Variants in CNTNAP5 observed in about 807,000 individuals in gnomAD.
The protein encoded by CNTNAP5 is contactin-associated protein-like 5.
A neutral mutation model predicts 150.2 loss-of-function variants in CNTNAP5; 72 were observed. That is an observed-to-expected ratio of 0.48 (90% CI 0.40 to 0.58). CNTNAP5 has a LOEUF of 0.58. Among genes scored for constraint, CNTNAP5 ranks in the 20% least tolerant of loss-of-function variants. The pLI is 0.00. For synonymous variants in CNTNAP5, 672 were observed against 619.8 expected (o/e 1.08, Z -1.25); for missense variants, 1,636 against 1,626.2 (o/e 1.01, Z -0.10).
chr2:124,802,778 G>A lies in CNTNAP5; in HGVS notation c.3217+4458G>A, dbSNP rs72980467. ...GGCACTTACCATGTGGCAGATACTA[G>A]CTCATGTACTGAAGAGACAAAGACA... On this transcript the variant is annotated intron_variant, in intron 19 of 23. Transcript: ENST00000682447. Among the ~76,000 whole-genome samples the A allele has an allele frequency of 5.0e-3, 761 of 152,246 alleles. 12 individuals are homozygous for A. Among genetic ancestry groups the A allele is most frequent in the African/African-American group, 0.017 (721 of 41,542 alleles).
chr2:124,464,938 A>C (rs1693342004), intron 6 of CNTNAP5, among the ~76,000 whole-genome samples: 1 of 152,162 alleles, frequency 6.6e-6, no homozygotes, highest in Non-Finnish European at 1.5e-5. Flanking sequence ...TAAGAAGTGG[A>C]CTGTCAGAAC....
chr2:124,681,754 G>A (rs1482529077), intron 13 of CNTNAP5, among the ~76,000 whole-genome samples: 8 of 151,876 alleles, frequency 5.3e-5, no homozygotes, highest in East Asian at 1.9e-4. Flanking sequence ...TATTAGAGAC[G>A]GGTTTCACCA....
At chr2:124,376,106 A>G (rs1406771719) in intron 3 of CNTNAP5, among the ~76,000 whole-genome samples, 5 of 152,122 alleles carry the variant, frequency 3.3e-5, no homozygotes, top group Non-Finnish European at 5.9e-5. Flanking sequence ...GTTAACTGGA[A>G]GAAAAACATA....
At chr2:124,030,914 A>G (rs183512193) in intron 1 of CNTNAP5, among the ~76,000 whole-genome samples, 58 of 152,248 alleles carry the variant, frequency 3.8e-4, no homozygotes, top group Admixed American at 6.5e-4. Flanking sequence ...ACAAGTATTA[A>G]TTAACTAGTA....
At chr2:124,185,617 A>G (rs1044121514) in intron 1 of CNTNAP5, among the ~76,000 whole-genome samples, 2 of 152,202 alleles carry the variant, frequency 1.3e-5, no homozygotes, top group Admixed American at 6.5e-5. Flanking sequence ...TGCTTTATTC[A>G]TCTCCCAAAC....
intron 9 of CNTNAP5, among the ~76,000 whole-genome samples, chr2:124,525,429 A>G (rs1694941587): frequency 6.6e-6 from 1 of 152,226 alleles, no homozygotes; most frequent in Non-Finnish European, 1.5e-5. Flanking sequence ...GCTCCTATAG[A>G]TATAAGTCAG....
chr2:124,224,813 C>T (rs780240743), intron 2 of CNTNAP5, among the ~76,000 whole-genome samples: 1 of 151,984 alleles, frequency 6.6e-6, no homozygotes, highest in Non-Finnish European at 1.5e-5. Flanking sequence ...AAGAAGAAAA[C>T]TTATAATTTT....
At chr2:124,666,282 C>A (rs936029) in intron 13 of CNTNAP5, among the ~76,000 whole-genome samples, 84,278 of 151,936 alleles carry the variant, frequency 0.55, 23,939 homozygotes, top group Non-Finnish European at 0.62. Flanking sequence ...TTTAATTTGC[C>A]ATGGGTTAAA....
chr2:124,920,493 C>CA lies in CNTNAP5; in HGVS notation c.*6211dup, dbSNP rs1423883552. Among the ~76,000 whole-genome samples the CA allele has an allele frequency of 6.6e-6, 1 of 151,994 alleles. No homozygotes were observed. Among genetic ancestry groups the CA allele is most frequent in the Non-Finnish European group, 1.5e-5 (1 of 67,980 alleles). On this transcript the variant is annotated 3_prime_UTR_variant, in exon 24 of 24. Coordinates refer to ENST00000682447, the MANE Select transcript of CNTNAP5 (RefSeq NM_001367498.1). ...CCTTGTCCTGCCTTAAATACTGTTGCAAAAAATACCAAACTTTGCTTAAAG... is the reference window on the plus strand; with the variant it reads ...CCTTGTCCTGCCTTAAATACTGTTGCAAAAAAATACCAAACTTTGCTTAAAG...
chr2:124,769,415 C>G (rs1423066195), intron 16 of CNTNAP5, among the ~76,000 whole-genome samples: 2 of 151,746 alleles, frequency 1.3e-5, no homozygotes, highest in Admixed American at 1.3e-4. Context: ...GCTAAGACTC[C>G]TTAGTTTTGC....
At chr2:124,666,029 T>A (rs891214617) in intron 13 of CNTNAP5, among the ~76,000 whole-genome samples, 1 of 152,198 alleles carries the variant, frequency 6.6e-6, no homozygotes, top group Non-Finnish European at 1.5e-5. Flanking sequence ...TGTAAAATAC[T>A]TTAAAGAGAT....
At chr2:124,851,041 G>A (rs1441315256) in intron 19 of CNTNAP5, among the ~76,000 whole-genome samples, 4 of 152,270 alleles carry the variant, frequency 2.6e-5, no homozygotes, top group Admixed American at 2.0e-4. Context: ...AACCATCAGG[G>A]AGCAGAGAAA....
chr2:124,457,850 A>G (rs1693156780), intron 6 of CNTNAP5, among the ~76,000 whole-genome samples: 1 of 152,188 alleles, frequency 6.6e-6, no homozygotes, highest in East Asian at 1.9e-4. Flanking sequence ...ATGCAAATCA[A>G]AACCACAATG....
At chr2:124,554,135 T>C (rs1263675618) in intron 10 of CNTNAP5, among the ~76,000 whole-genome samples, 2 of 152,196 alleles carry the variant, frequency 1.3e-5, no homozygotes, top group Non-Finnish European at 2.9e-5. Flanking sequence ...CTTTTTCTAT[T>C]TATAAATCTA....
chr2:124,523,068 C>T (rs1339044694), intron 8 of CNTNAP5, among the ~76,000 whole-genome samples: 1 of 152,196 alleles, frequency 6.6e-6, no homozygotes, highest in Non-Finnish European at 1.5e-5. Flanking sequence ...TAACAATGGA[C>T]TACCCTAGGG....
At chr2:124,545,249 A>G (rs1695485400) in intron 10 of CNTNAP5, among the ~76,000 whole-genome samples, 1 of 152,150 alleles carries the variant, frequency 6.6e-6, no homozygotes, top group African/African-American at 2.4e-5. Context: ...GAAGTTATTG[A>G]CAGAACTCCC....
rs1417416524 is a variant in CNTNAP5 at position 124,647,880 on chromosome 2, G to A, written c.1999G>A (p.Ala667Thr). Residue 667 changes from alanine to threonine, a missense_variant, in exon 13 of 24, where the codon GCC (alanine) becomes ACC (threonine). By Grantham distance (58) the Ala-to-Thr change is moderately conservative. Transcript: ENST00000682447. ...CGGGGGCAGCATGGAACAGCTGGAG[G>A]CCGTGATCGACGGCTCTGAGCACTG... ...DYGGSMEQLE[A>T]VIDGSEHCEQ... 6.2e-7 allele frequency: 1 copy of A among 1,612,866 alleles called. No individual in the cohort carries two copies. Among genetic ancestry groups the A allele is most frequent in the Non-Finnish European group, 8.5e-7 (1 of 1,179,512 alleles).
chr2:124,668,705 A>C (rs1326951188), intron 13 of CNTNAP5, among the ~76,000 whole-genome samples: 1 of 152,216 alleles, frequency 6.6e-6, no homozygotes. Flanking sequence ...AGCACTTAAA[A>C]TTTATAATTT....
chr2:124,047,104 G>A (rs1011767357), intron 1 of CNTNAP5, among the ~76,000 whole-genome samples: 2 of 152,102 alleles, frequency 1.3e-5, no homozygotes, highest in African/African-American at 4.8e-5. Context: ...CAAGTGATGA[G>A]GATGGCCTAA....
Sources: gnomAD v4.1 joint callset for allele counts (sites outside exome capture counted in the v4.1 genomes callset) on GRCh38, gnomAD v4.1.1 for gene constraint, MANE v1.5 for transcripts, NCBI Gene and HGNC (gene_info 2026-07-23, HGNC 2026-07-21) for gene names.